The following ENTREP1 variants were observed in gnomAD, a reference collection of about 807,000 sequenced individuals.
The protein encoded by ENTREP1 is endosomal transmembrane epsin interactor 1, also known as Friedreich ataxia region gene X123.
At chr9:69,368,574 T>C in the ENTREP1 span, among the ~76,000 whole-genome samples, 12 of 152,194 alleles carry the variant, frequency 7.9e-5, no homozygotes, top group Admixed American at 7.9e-4. Context: ...TGAGGATTTT[T>C]GTGTCTATGT....
the ENTREP1 span, chr9:69,392,147 G>T: frequency 3.2e-6 from 1 of 313,742 alleles, no homozygotes; most frequent in African/African-American, 2.1e-5. Flanking sequence ...GTCTCTCTTT[G>T]TTGCTAAGTT....
the ENTREP1 span, among the ~76,000 whole-genome samples, chr9:69,335,397 A>G: frequency 2.0e-5 from 3 of 152,162 alleles, no homozygotes; most frequent in African/African-American, 7.2e-5. Flanking sequence ...GCCTTGCAGG[A>G]TGGATAAAAG....
At chr9:69,325,901 T>C in the ENTREP1 span, among the ~76,000 whole-genome samples, 13 of 152,150 alleles carry the variant, frequency 8.5e-5, no homozygotes, top group African/African-American at 2.9e-4. Context: ...CAGGGGTGAA[T>C]TGGGTTGCAC....
the ENTREP1 span, among the ~76,000 whole-genome samples, chr9:69,340,747 TTG>T: frequency 2.6e-4 from 7 of 26,782 alleles, 1 homozygote; most frequent in South Asian, 2.4e-3. Context: ...GTGTGTGTGT[TTG>T]TGTGTGTGCG....
chr9:69,363,385 A>G, the ENTREP1 span, among the ~76,000 whole-genome samples: 1 of 152,230 alleles, frequency 6.6e-6, no homozygotes, highest in African/African-American at 2.4e-5. Context: ...CAGGAAAAAA[A>G]TTAGGTTAAA....
At chr9:69,336,577 A>C in the ENTREP1 span, among the ~76,000 whole-genome samples, 1 of 152,172 alleles carries the variant, frequency 6.6e-6, no homozygotes, top group African/African-American at 2.4e-5. Flanking sequence ...AATATATACA[A>C]TAGTGGAGGG....
the ENTREP1 span, among the ~76,000 whole-genome samples, chr9:69,346,319 TCTTGGTGG>T: frequency 6.6e-6 from 1 of 152,184 alleles, no homozygotes; most frequent in African/African-American, 2.4e-5. Flanking sequence ...GTTTTAGCAT[TCTTGGTGG>T]TTGTCCTACC....
At chr9:69,336,155 A>C in the ENTREP1 span, 1 of 875,786 alleles carries the variant, frequency 1.1e-6, no homozygotes, top group South Asian at 1.7e-5. Context: ...TTTGTGACTG[A>C]GGATTTGTTT....
the ENTREP1 span, among the ~76,000 whole-genome samples, chr9:69,384,552 T>G: frequency 3.3e-5 from 5 of 152,250 alleles, no homozygotes; most frequent in Non-Finnish European, 7.3e-5. Context: ...TTGTGCTGTG[T>G]CATTTATAAC....
At chr9:69,337,425 T>C in the ENTREP1 span, among the ~76,000 whole-genome samples, 1 of 152,300 alleles carries the variant, frequency 6.6e-6, no homozygotes, top group East Asian at 1.9e-4. Context: ...TGCTATATTA[T>C]CTCTTTGTCA....
the ENTREP1 span, among the ~76,000 whole-genome samples, chr9:69,367,744 CATAT>C: frequency 1.0e-5 from 1 of 98,694 alleles, no homozygotes; most frequent in Non-Finnish European, 2.0e-5. Context: ...TATATATACA[CATAT>C]ATAAATATAT....
chr9:69,341,572 C>G, the ENTREP1 span, among the ~76,000 whole-genome samples: 2 of 151,738 alleles, frequency 1.3e-5, no homozygotes, highest in Non-Finnish European at 2.9e-5. Flanking sequence ...AGGAATTTTT[C>G]ATCTTATTGT....
chr9:69,373,806 T>C, the ENTREP1 span, among the ~76,000 whole-genome samples: 1 of 152,302 alleles, frequency 6.6e-6, no homozygotes, highest in Middle Eastern at 3.4e-3. Flanking sequence ...TCCATCGCTT[T>C]TAAATTGGGG....
At chr9:69,385,414 C>A in the ENTREP1 span, among the ~76,000 whole-genome samples, 1 of 152,194 alleles carries the variant, frequency 6.6e-6, no homozygotes. Context: ...GTATTACCTT[C>A]CCCAGAACCA....
the ENTREP1 span, among the ~76,000 whole-genome samples, chr9:69,340,763 A>ATGTG: frequency 1.0e-4 from 3 of 29,260 alleles, no homozygotes; most frequent in African/African-American, 1.8e-4. Flanking sequence ...GTGTGCGTGC[A>ATGTG]TGTGTGTGTG....
chr9:69,349,003 G>A, the ENTREP1 span, among the ~76,000 whole-genome samples: 1 of 151,828 alleles, frequency 6.6e-6, no homozygotes, highest in East Asian at 1.9e-4. Context: ...GGCCAACATG[G>A]TGAAACCCTG....
chr9:69,391,476 C>CA, the ENTREP1 span: 1 of 733,868 alleles, frequency 1.4e-6, no homozygotes, highest in Non-Finnish European at 2.2e-6. Context: ...TGGGAAAATG[C>CA]CTTTTTTTTT....
the ENTREP1 span, among the ~76,000 whole-genome samples, chr9:69,340,615 G>GCA: frequency 1.2e-5 from 1 of 85,876 alleles, no homozygotes; most frequent in Non-Finnish European, 2.4e-5. Context: ...GTGTGTGCAT[G>GCA]TGTGTGTGCA....
the ENTREP1 span, among the ~76,000 whole-genome samples, chr9:69,390,404 A>C: frequency 6.6e-6 from 1 of 152,208 alleles, no homozygotes; most frequent in African/African-American, 2.4e-5. Context: ...TAAAAAATTG[A>C]CCGGACAGTT....
Sources: allele counts gnomAD v4.1 joint callset (sites outside exome capture counted in the v4.1 genomes callset), GRCh38; gene constraint gnomAD v4.1.1; transcripts MANE v1.5; gene names NCBI Gene and HGNC (gene_info 2026-07-23, HGNC 2026-07-21).